TMEM201: variants seen among roughly 807,000 people sequenced by gnomAD.
TMEM201 encodes RP13-15M17.2.
In TMEM201, 26 loss-of-function variants were observed where a neutral mutation model predicts 63.4. The observed-to-expected ratio is 0.41, with a 90% CI of 0.30 to 0.57. The LOEUF is 0.57. TMEM201 is among the 20% of genes least tolerant of loss of function. The probability of loss-of-function intolerance (pLI) is 0.29; values close to 1 mark genes in which losing one functional copy is unlikely to be tolerated. For synonymous variants in TMEM201, 417 were observed against 421.6 expected (o/e 0.99, Z 0.14); for missense variants, 794 against 917.7 (o/e 0.87, Z 1.74).
Position 9,604,487 on chromosome 1 carries a change from T to C in TMEM201, c.1160+2215T>C. The C allele has an allele frequency of 1.0e-6, 1 of 985,286 alleles. No individual in the cohort carries two copies. The highest frequency in any genetic ancestry group is 4.7e-5 in the South Asian group (1 of 21,286). 61.0% of individuals were successfully genotyped at this position (985,286 alleles called of 1,614,324 possible). A position where few individuals can be genotyped will look rare whatever the true frequency, so the allele number is the denominator to read the frequency against. ...AGTGTTGTGGCAACAGCTGAGAGAG[T>C]GCAGGCACCACTGTGTTGTGGCTTG... On this transcript the variant is annotated intron_variant, in intron 6 of 10. Transcript: ENST00000340381. The surrounding 1 kb of genome is among the most constrained non-coding windows in gnomAD (Gnocchi z 4.1).
At position 9,597,070 on chromosome 1, in the gene TMEM201, A is replaced by AGGGCAG. The variant is rs1371129954; in HGVS notation, c.429+21_429+26dup. 6.3e-7 allele frequency: 1 copy of AGGGCAG among 1,590,206 alleles called. No homozygotes were observed. Among genetic ancestry groups the AGGGCAG allele is most frequent in the East Asian group, 2.3e-5 (1 of 44,282 alleles). On this transcript the variant is annotated intron_variant, in intron 3 of 10. Transcript: ENST00000340381. Reference sequence around the variant, plus strand: ...CGCGAGGAGGTGAGGCCGGGTTGGGAGGGCAGGGGTCCTGGCTGGGGCCAG... The same window carrying AGGGCAG: ...CGCGAGGAGGTGAGGCCGGGTTGGGAGGGCAGGGGCAGGGGTCCTGGCTGGGGCCAG...
intron 9 of TMEM201, chr1:9,611,074 G>A (rs1241426056): frequency 1.3e-6 from 2 of 1,507,806 alleles, no homozygotes; most frequent in African/African-American, 1.4e-5. Context: ...GCATTGCCAG[G>A]TGCGTGTGGC....
intron 2 of TMEM201, 93 bp downstream of exon 2, chr1:9,596,103 C>G (rs924933885): frequency 2.7e-6 from 4 of 1,504,128 alleles, no homozygotes; most frequent in Admixed American, 1.9e-5. Flanking sequence ...TGCCCTGCCC[C>G]GGGGCTCATG....
rs1419573242 is a variant in TMEM201, at chr1:9,604,128, T to C, written c.1160+1856T>C. ...GCGTCCTGTCGGCTGGCCATGCTGTTGCTTGCGTCTCGAATCTTCGGTTCT... is the reference window on the plus strand; with the variant it reads ...GCGTCCTGTCGGCTGGCCATGCTGTCGCTTGCGTCTCGAATCTTCGGTTCT... On this transcript the variant is annotated intron_variant, in intron 6 of 10. Coordinates refer to ENST00000340381, the MANE Select transcript of TMEM201 (RefSeq NM_001130924.3). This position sits in a 1 kb window ranked among gnomAD's most constrained non-coding sequence, Gnocchi z 4.1. The C allele has an allele frequency of 2.0e-6, 2 of 985,320 alleles. No individual in the cohort carries two copies. Among genetic ancestry groups the C allele is most frequent in the African/African-American group, 3.5e-5 (2 of 57,234 alleles). The allele number at this position is 985,320 out of a possible 1,614,324, so 61.0% of individuals were successfully genotyped here.
Position 9,601,467 on chromosome 1 carries a change from C to T in TMEM201, c.956+13C>T. On this transcript the variant is annotated intron_variant, in intron 5 of 10. Coordinates refer to ENST00000340381, the MANE Select transcript of TMEM201 (RefSeq NM_001130924.3). ...CTGGCCGCATCAGGTGTGCATGGGG[C>T]CAGGGCCAGGAGTTGGCGGGCAGGG... The T allele has an allele frequency of 6.4e-7, 1 of 1,569,126 alleles. No individual in the cohort carries two copies. Among genetic ancestry groups the T allele is most frequent in the Non-Finnish European group, 8.6e-7 (1 of 1,161,764 alleles).
At chr1:9,591,816 A>G (rs1324620022) in intron 1 of TMEM201, among the ~76,000 whole-genome samples, 1 of 152,046 alleles carries the variant, frequency 6.6e-6, no homozygotes, top group African/African-American at 2.4e-5. Flanking sequence ...TCCCTGAGCA[A>G]CCGCCGCACC....
Position 9,602,053 on chromosome 1 carries a change from G to A in TMEM201, c.957-16G>A, listed in dbSNP as rs752313018. The A allele has an allele frequency of 3.6e-5, 58 of 1,606,624 alleles. No homozygotes were observed. The highest frequency in any genetic ancestry group is 1.1e-4 in the East Asian group (5 of 44,728). ...TCTTGTCCTCCCCTGGGGTGACCCC[G>A]CTGCTTCCCTTTCAGGCTCCGGAGG... is the stretch of plus-strand genomic sequence containing the variant. On this transcript the variant is annotated splice_polypyrimidine_tract_variant and intron_variant, in intron 5 of 10. Coordinates refer to ENST00000340381, the MANE Select transcript of TMEM201 (RefSeq NM_001130924.3).
At chr1:9,589,722 C>T (rs969102787) in intron 1 of TMEM201, among the ~76,000 whole-genome samples, 1 of 152,252 alleles carries the variant, frequency 6.6e-6, no homozygotes, top group African/African-American at 2.4e-5. Flanking sequence ...CGGCCTCCAT[C>T]GCCAGGCATA....
At chr1:9,601,501 G>T (rs768836200) in intron 5 of TMEM201, 47 bp downstream of exon 5, 3 of 1,528,810 alleles carry the variant, frequency 2.0e-6, no homozygotes, top group Non-Finnish European at 2.6e-6. Flanking sequence ...GGGACTGTGT[G>T]CTGGATTACT....
intron 1 of TMEM201, among the ~76,000 whole-genome samples, chr1:9,594,513 G>A (rs1355788865): frequency 2.0e-5 from 3 of 152,250 alleles, no homozygotes; most frequent in African/African-American, 7.2e-5. Context: ...TCACTGTTAA[G>A]TGCGTCCCAC....
Position 9,607,182 on chromosome 1 carries a change from A to C in TMEM201, c.1161-375A>C, listed in dbSNP as rs1158504544. Among the ~76,000 whole-genome samples the C allele has an allele frequency of 1.3e-5, 2 of 152,200 alleles. No individual in the cohort carries two copies. The highest frequency in any genetic ancestry group is 1.3e-4 in the Admixed American group (2 of 15,278). On this transcript the variant is annotated intron_variant, in intron 6 of 10. Coordinates refer to ENST00000340381, the MANE Select transcript of TMEM201 (RefSeq NM_001130924.3). The surrounding 1 kb of genome is among the most constrained non-coding windows in gnomAD (Gnocchi z 5.4). ...AAGAAGTGGCAAGGAGTCCAAGTCCATTAACCTTCATTGAGTGCCTGGCAC... is the reference window on the plus strand; with the variant it reads ...AAGAAGTGGCAAGGAGTCCAAGTCCCTTAACCTTCATTGAGTGCCTGGCAC...
Position 9,611,216 on chromosome 1 carries a change from G to A in TMEM201, c.1765+411G>A, listed in dbSNP as rs551215943. The A allele has an allele frequency of 1.6e-4, 69 of 438,918 alleles. 1 individual carries two copies. Among genetic ancestry groups the A allele is most frequent in the Middle Eastern group, 7.2e-4 (2 of 2,762 alleles). 27.2% of individuals were successfully genotyped at this position (438,918 alleles called of 1,614,324 possible). ...TAGATTTCCTTTTTTTTTTTTTTTC[G>A]AGATGCAGTCTCACTCTGTCGCCCA... On this transcript the variant is annotated intron_variant, in intron 9 of 10. Transcript: ENST00000340381.
At position 9,614,265 on chromosome 1, in the gene TMEM201, G is replaced by A. The variant is rs1644362272; in HGVS notation, c.*1182G>A. 6.6e-6 allele frequency: 1 copy of A among 152,172 alleles called. No individual in the cohort carries two copies. The highest frequency in any genetic ancestry group is 1.5e-5 in the Non-Finnish European group (1 of 68,024). 9.4% of individuals were successfully genotyped at this position (152,172 alleles called of 1,614,324 possible). A position where few individuals can be genotyped will look rare whatever the true frequency, so the allele number is the denominator to read the frequency against. ...AAGGGTCTTCACTCTGCCATTCAGG[G>A]ATAAAGTTTAATTTTATTTTTCTAC... On this transcript the variant is annotated 3_prime_UTR_variant, in exon 11 of 11. Transcript: ENST00000340381.
rs1408148711 is a variant in TMEM201, at chr1:9,595,918, T to G, written c.142T>G (p.Cys48Gly). ...GAAGCCAACGCACACGATGGTCAAC[T>G]GCTGGTTCTGCAACCAGGATACGCT... ...RMKPTHTMVN[C>G]WFCNQDTLVP... Residue 48 changes from cysteine (C) to glycine (G), a missense_variant, in exon 2 of 11, where the codon TGC (cysteine) becomes GGC (glycine). Coordinates refer to ENST00000340381, the MANE Select transcript of TMEM201 (RefSeq NM_001130924.3). The G allele has an allele frequency of 6.2e-7, 1 of 1,613,686 alleles. No individual in the cohort carries two copies. The highest frequency in any genetic ancestry group is 1.7e-5 in the Admixed American group (1 of 60,016).
intron 3 of TMEM201, among the ~76,000 whole-genome samples, chr1:9,597,926 C>A (rs903320704): frequency 6.6e-6 from 1 of 152,188 alleles, no homozygotes; most frequent in Non-Finnish European, 1.5e-5. Flanking sequence ...CAGTGCTGCA[C>A]GTCTAAGGGC....
At position 9,603,759 on chromosome 1, in the gene TMEM201, C is replaced by A; in HGVS notation, c.1160+1487C>A. 1 of 985,468 alleles carries A rather than the reference C, an allele frequency of 1.0e-6. No individual in the cohort carries two copies. The highest frequency in any genetic ancestry group is 1.7e-5 in the African/African-American group (1 of 57,378). The allele number at this position is 985,468 out of a possible 1,614,324, so 61.0% of individuals were successfully genotyped here. On this transcript the variant is annotated intron_variant, in intron 6 of 10. Coordinates refer to ENST00000340381, the MANE Select transcript of TMEM201 (RefSeq NM_001130924.3). The surrounding 1 kb of genome is among the most constrained non-coding windows in gnomAD (Gnocchi z 4.5). ...TGATTGGGTAGCAGCTCACATCCCA[C>A]CCAGCTTCACAAGTGAGGAACCCAG... is the stretch of plus-strand genomic sequence containing the variant.
At chr1:9,600,549 G>C (rs531180511) in intron 4 of TMEM201, among the ~76,000 whole-genome samples, 2 of 152,210 alleles carry the variant, frequency 1.3e-5, no homozygotes, top group African/African-American at 2.4e-5. Flanking sequence ...CACCCACCCT[G>C]GATGACATGA....
At chr1:9,612,895 T>C (rs1399230832) in intron 10 of TMEM201, 91 bp from the exon 11 acceptor site, 1 of 1,114,394 alleles carries the variant, frequency 9.0e-7, no homozygotes, top group Non-Finnish European at 1.3e-6. Context: ...AGCCTTGAGC[T>C]CCCCACAAAC....
At position 9,610,976 on chromosome 1, in the gene TMEM201, T is replaced by C; in HGVS notation, c.1765+171T>C. Reference sequence around the variant, plus strand: ...CTGGTGACTTGAACCCTCTGGGACATTGACCTCTAATGGCTGATTTCAGTT... The same window carrying C: ...CTGGTGACTTGAACCCTCTGGGACACTGACCTCTAATGGCTGATTTCAGTT... On this transcript the variant is annotated intron_variant, in intron 9 of 10. Coordinates refer to ENST00000340381, the MANE Select transcript of TMEM201 (RefSeq NM_001130924.3). The surrounding 1 kb of genome is among the most constrained non-coding windows in gnomAD (Gnocchi z 4.9). The C allele has an allele frequency of 1.3e-6, 2 of 1,529,124 alleles. No homozygotes were observed. The highest frequency in any genetic ancestry group is 8.7e-7 in the Non-Finnish European group (1 of 1,143,130). The allele number at this position is 1,529,124 out of a possible 1,614,324, so 94.7% of individuals were successfully genotyped here. A position where few individuals can be genotyped will look rare whatever the true frequency, so the allele number is the denominator to read the frequency against.
Sources: allele counts gnomAD v4.1 joint callset (sites outside exome capture counted in the v4.1 genomes callset), GRCh38; gene constraint gnomAD v4.1.1; non-coding constraint Gnocchi (gnomAD v3.1); transcripts MANE v1.5; gene names NCBI Gene and HGNC (gene_info 2026-07-23, HGNC 2026-07-21).